The following DPP10 variants were observed in gnomAD, a reference collection of about 807,000 sequenced individuals.
The protein encoded by DPP10 is inactive dipeptidyl peptidase 10.
A neutral mutation model predicts 120.9 loss-of-function variants in DPP10; 33 were observed. That is an observed-to-expected ratio of 0.27 (90% CI 0.21 to 0.37). DPP10 has a LOEUF of 0.37. DPP10 is among the 10% of genes least tolerant of loss of function. The pLI, the probability that DPP10 is intolerant of heterozygous loss-of-function variation, is 1.00. For missense variants in DPP10, 816 were observed against 942.8 expected, an observed-to-expected ratio of 0.87 and a Z score of 1.76; for synonymous variants, 337 against 326.1, an observed-to-expected ratio of 1.03 and a Z score of -0.36.
chr2:114,896,622 A>G (rs1305405935), intron 1 of DPP10, among the ~76,000 whole-genome samples: 1 of 152,224 alleles, frequency 6.6e-6, no homozygotes, highest in Non-Finnish European at 1.5e-5. Context: ...TTATCAGTTT[A>G]AGGAGATTTT....
chr2:114,519,372 G>A (rs1684862764), intron 1 of DPP10, among the ~76,000 whole-genome samples: 1 of 152,190 alleles, frequency 6.6e-6, no homozygotes, highest in African/African-American at 2.4e-5. Flanking sequence ...TATTTTATCA[G>A]TGTTGGTTAT....
At chr2:114,642,340 T>C (rs1269252442) in intron 1 of DPP10, among the ~76,000 whole-genome samples, 1 of 151,942 alleles carries the variant, frequency 6.6e-6, no homozygotes, top group East Asian at 1.9e-4. Flanking sequence ...TTTCTTAAGT[T>C]CCTCAGATAA....
intron 1 of DPP10, among the ~76,000 whole-genome samples, chr2:114,926,873 C>G (rs1196416267): frequency 1.6e-5 from 2 of 128,294 alleles, no homozygotes; most frequent in Non-Finnish European, 3.2e-5. Context: ...TTTTTTGAGA[C>G]AGAGTCTCGC....
chr2:115,208,338 T>G (rs1013030556), intron 1 of DPP10, among the ~76,000 whole-genome samples: 4 of 152,116 alleles, frequency 2.6e-5, no homozygotes, highest in African/African-American at 9.7e-5. Flanking sequence ...TAGCTGGGAT[T>G]ACAGGCATCT....
intron 1 of DPP10, among the ~76,000 whole-genome samples, chr2:114,454,384 A>T (rs1433005939): frequency 2.0e-5 from 3 of 152,148 alleles, no homozygotes; most frequent in Non-Finnish European, 4.4e-5. Flanking sequence ...TATTTTATAG[A>T]TGAAAACATT....
chr2:114,592,668 A>G (rs1318894557), intron 1 of DPP10, among the ~76,000 whole-genome samples: 1 of 152,210 alleles, frequency 6.6e-6, no homozygotes, highest in Non-Finnish European at 1.5e-5. Context: ...TCCCCCTGAA[A>G]AAAAAACCCT....
chr2:114,720,037 T>A (rs910950460), intron 1 of DPP10, among the ~76,000 whole-genome samples: 8 of 152,232 alleles, frequency 5.3e-5, no homozygotes, highest in South Asian at 2.1e-4. Context: ...CCCAGAGTAA[T>A]TGTGGGGTTT....
At chr2:114,695,978 G>A (rs1381335634) in intron 1 of DPP10, among the ~76,000 whole-genome samples, 2 of 152,012 alleles carry the variant, frequency 1.3e-5, no homozygotes, top group East Asian at 3.9e-4. Flanking sequence ...ATGGTATTTA[G>A]TATATTGAAC....
chr2:115,090,486 G>A (rs536887552), intron 1 of DPP10, among the ~76,000 whole-genome samples: 26 of 152,074 alleles, frequency 1.7e-4, no homozygotes, highest in Admixed American at 7.2e-4. Flanking sequence ...CACTTGCCTC[G>A]GGACAGTCTA....
chr2:114,830,512 T>C (rs1687002971), intron 1 of DPP10, among the ~76,000 whole-genome samples: 1 of 152,210 alleles, frequency 6.6e-6, no homozygotes, highest in African/African-American at 2.4e-5. Flanking sequence ...ACTTCGCCTT[T>C]CTATTTATAC....
chr2:114,759,090 A>G (rs1382067913), intron 1 of DPP10, among the ~76,000 whole-genome samples: 1 of 152,222 alleles, frequency 6.6e-6, no homozygotes, highest in Admixed American at 6.5e-5. Flanking sequence ...AAGTTATTGA[A>G]AAGACCACTT....
intron 7 of DPP10, among the ~76,000 whole-genome samples, chr2:115,697,671 T>C (rs1226840988): frequency 6.6e-6 from 1 of 151,688 alleles, no homozygotes; most frequent in Non-Finnish European, 1.5e-5. Flanking sequence ...GAGAAGATAA[T>C]TAAGAAAATA....
chr2:114,491,447 T>C (rs1048357223), intron 1 of DPP10, among the ~76,000 whole-genome samples: 5 of 152,226 alleles, frequency 3.3e-5, no homozygotes, highest in Admixed American at 6.5e-5. Context: ...CAGTCTATAA[T>C]TACTTCCTTT....
chr2:114,820,104 A>T (rs1331895553), intron 1 of DPP10, among the ~76,000 whole-genome samples: 1 of 152,210 alleles, frequency 6.6e-6, no homozygotes, highest in Non-Finnish European at 1.5e-5. Context: ...AAGGCTAGCC[A>T]AATTTCAAAA....
chr2:115,479,276 G>C (rs915418606), intron 3 of DPP10, among the ~76,000 whole-genome samples: 2 of 151,964 alleles, frequency 1.3e-5, no homozygotes, highest in African/African-American at 4.8e-5. Context: ...AACCCTCTAA[G>C]GTTCATCCAT....
At chr2:115,337,645 AG>A (rs1307293899) in intron 2 of DPP10, among the ~76,000 whole-genome samples, 2 of 134,502 alleles carry the variant, frequency 1.5e-5, no homozygotes, top group African/African-American at 2.8e-5. Context: ...ACAATGAGAC[AG>A]GGGGAGGCTG....
chr2:114,612,518 A>G (rs961482356), intron 1 of DPP10, among the ~76,000 whole-genome samples: 2 of 152,060 alleles, frequency 1.3e-5, no homozygotes, highest in African/African-American at 2.4e-5. Flanking sequence ...TCTCCTTACT[A>G]TATCTCTAGA....
intron 5 of DPP10, among the ~76,000 whole-genome samples, chr2:115,680,802 T>C (rs1212602722): frequency 1.3e-5 from 2 of 151,792 alleles, no homozygotes; most frequent in East Asian, 1.9e-4. Flanking sequence ...ACTACATACA[T>C]AAAAACAAAG....
At chr2:114,557,652 A>G (rs1268757433) in intron 1 of DPP10, among the ~76,000 whole-genome samples, 2 of 152,188 alleles carry the variant, frequency 1.3e-5, no homozygotes, top group Non-Finnish European at 2.9e-5. Context: ...AGTAGTGTTC[A>G]GTCTTCAGTG....
Sources: allele counts gnomAD v4.1 joint callset (sites outside exome capture counted in the v4.1 genomes callset), GRCh38; gene constraint gnomAD v4.1.1; transcripts MANE v1.5; gene names NCBI Gene and HGNC (gene_info 2026-07-23, HGNC 2026-07-21).